Variants in NCKAP5 observed in about 807,000 individuals in gnomAD.
NCKAP5 encodes the protein nck-associated protein 5.
Under a neutral mutation model 167.0 loss-of-function variants are expected in NCKAP5, and 92 were observed. That is an observed-to-expected ratio of 0.55 (90% confidence interval 0.47 to 0.66). NCKAP5 has a LOEUF of 0.66. Among genes scored for constraint, NCKAP5 ranks in the 30% least tolerant of loss-of-function variants. The pLI is 0.00. For synonymous variants in NCKAP5, 891 were observed against 877.4 expected, an observed-to-expected ratio of 1.02 and a Z score of -0.27; for missense variants, 2,378 against 2,315.0, an observed-to-expected ratio of 1.03 and a Z score of -0.56.
At chr2:133,314,255 C>T (rs1681449906) in intron 3 of NCKAP5, among the ~76,000 whole-genome samples, 1 of 152,128 alleles carries the variant, frequency 6.6e-6, no homozygotes, top group South Asian at 2.1e-4. Flanking sequence ...GATGGCAAGG[C>T]ATTTCTAGAA....
At chr2:132,809,541 T>G (rs1360717519) in intron 11 of NCKAP5, among the ~76,000 whole-genome samples, 2 of 152,202 alleles carry the variant, frequency 1.3e-5, no homozygotes, top group Non-Finnish European at 2.9e-5. Flanking sequence ...CTCTTTTAAC[T>G]GCCGATGCTT....
chr2:133,037,967 CAAACGCTGGTGAGGATGTCAACA>C (rs1441811130), intron 6 of NCKAP5, among the ~76,000 whole-genome samples: 1 of 152,022 alleles, frequency 6.6e-6, no homozygotes, highest in African/African-American at 2.4e-5. Context: ...TAAGTAATAA[CAAACGCTGGTGAGGATGTCAACA>C]AAAGAGAACC....
chr2:133,295,008 G>C (rs1471279351), intron 4 of NCKAP5, among the ~76,000 whole-genome samples: 1 of 152,118 alleles, frequency 6.6e-6, no homozygotes, highest in Admixed American at 6.5e-5. Context: ...CTTTTACTTG[G>C]GCAAATGGTT....
At chr2:133,411,572 T>C (rs1018591605) in intron 3 of NCKAP5, among the ~76,000 whole-genome samples, 1 of 152,100 alleles carries the variant, frequency 6.6e-6, no homozygotes, top group Non-Finnish European at 1.5e-5. Flanking sequence ...GTGGAGACTT[T>C]GAGATTTCAG....
chr2:133,650,370 TACTC>T, the NCKAP5 span, among the ~76,000 whole-genome samples: 1 of 152,200 alleles, frequency 6.6e-6, no homozygotes, highest in African/African-American at 2.4e-5. Context: ...ACAATCAAAA[TACTC>T]ATAGAGAATA....
chr2:133,186,691 T>C (rs1047487166), intron 5 of NCKAP5, among the ~76,000 whole-genome samples: 9 of 152,108 alleles, frequency 5.9e-5, no homozygotes, highest in Non-Finnish European at 1.2e-4. Flanking sequence ...AGGCTGTGTG[T>C]TTCCAGGAAT....
intron 17 of NCKAP5, among the ~76,000 whole-genome samples, chr2:132,730,998 C>T (rs1690947082): frequency 6.6e-6 from 1 of 152,236 alleles, no homozygotes; most frequent in Admixed American, 6.5e-5. Context: ...CAGCTCCTTT[C>T]TAATCATCAA....
chr2:133,221,563 T>TC (rs2086663630), intron 4 of NCKAP5, among the ~76,000 whole-genome samples: 1 of 152,166 alleles, frequency 6.6e-6, no homozygotes, highest in Non-Finnish European at 1.5e-5. Context: ...TTCAAAGACT[T>TC]CAGGATTGAT....
intron 16 of NCKAP5, among the ~76,000 whole-genome samples, chr2:132,750,238 G>A (rs904424071): frequency 2.0e-5 from 3 of 152,104 alleles, no homozygotes; most frequent in South Asian, 2.1e-4. Context: ...TTGTGTTCAG[G>A]AAGCGTAAGG....
intron 5 of NCKAP5, among the ~76,000 whole-genome samples, chr2:133,185,564 A>C (rs950782576): frequency 1.3e-5 from 2 of 152,070 alleles, no homozygotes; most frequent in African/African-American, 4.8e-5. Context: ...CAGTATGGCC[A>C]ACTGTAATAA....
chr2:133,598,825 C>T, the NCKAP5 span, among the ~76,000 whole-genome samples: 3 of 152,172 alleles, frequency 2.0e-5, no homozygotes, highest in Non-Finnish European at 4.4e-5. Flanking sequence ...TTTATTCCCT[C>T]ACAGATCTGG....
intron 6 of NCKAP5, among the ~76,000 whole-genome samples, chr2:133,028,417 A>AT (rs2078767065): frequency 6.6e-6 from 1 of 152,126 alleles, no homozygotes; most frequent in Admixed American, 6.6e-5. Context: ...TATATCATAA[A>AT]TTTCCTGTCC....
At chr2:133,019,447 G>A (rs1174036587) in intron 6 of NCKAP5, among the ~76,000 whole-genome samples, 1 of 152,176 alleles carries the variant, frequency 6.6e-6, no homozygotes, top group Non-Finnish European at 1.5e-5. Context: ...TGCTTTGAAT[G>A]TCAGGGCCTG....
the NCKAP5 span, among the ~76,000 whole-genome samples, chr2:133,656,248 CT>C: frequency 6.7e-6 from 1 of 150,246 alleles, no homozygotes; most frequent in African/African-American, 2.5e-5. Flanking sequence ...CCTAAAATGC[CT>C]CGTGGAAAAA....
intron 4 of NCKAP5, among the ~76,000 whole-genome samples, chr2:133,265,701 GA>G (rs1217312632): frequency 6.6e-6 from 1 of 152,068 alleles, no homozygotes; most frequent in Admixed American, 6.5e-5. Flanking sequence ...ACGCGCAAGG[GA>G]GGCAGTGCGG....
chr2:133,272,331 A>C (rs2089551088), intron 4 of NCKAP5, among the ~76,000 whole-genome samples: 1 of 152,182 alleles, frequency 6.6e-6, no homozygotes, highest in South Asian at 2.1e-4. Context: ...ATATGAATGA[A>C]AAACAGTGGA....
chr2:133,501,197 C>A lies in NCKAP5; in HGVS notation c.69+16261G>T, dbSNP rs115840601. On this transcript the variant is annotated intron_variant, in intron 3 of 19. Coordinates refer to ENST00000409261, the MANE Select transcript of NCKAP5 (RefSeq NM_207363.3). ...AAACCTGGGACCAGACGTGTGGAGCCCATAGACAGAAAAATTTACCCGTCA... is the reference window on the plus strand; with the variant it reads ...AAACCTGGGACCAGACGTGTGGAGCACATAGACAGAAAAATTTACCCGTCA... Among the ~76,000 whole-genome samples the A allele has an allele frequency of 5.5e-3, 834 of 152,232 alleles. 3 individuals are homozygous for A. Among genetic ancestry groups the A allele is most frequent in the Admixed American group, 0.013 (206 of 15,286 alleles).
In NCKAP5 at chr2:132,803,633, C is replaced by T. The variant is rs1685205557; in HGVS notation, c.808-6904G>A. On this transcript the variant is annotated intron_variant, in intron 11 of 19. Transcript: ENST00000409261. ...ACCTCTTACCTGTCCTTATCTGCTG[C>T]AATTCCATTAACAGTGCCCCAAGGC... Among the ~76,000 whole-genome samples the T allele has an allele frequency of 1.3e-5, 2 of 152,188 alleles. 1 individual carries two copies. Among genetic ancestry groups the T allele is most frequent in the South Asian group, 4.1e-4 (2 of 4,830 alleles).
At chr2:133,148,907 T>C (rs1189216227) in intron 5 of NCKAP5, among the ~76,000 whole-genome samples, 2 of 152,106 alleles carry the variant, frequency 1.3e-5, no homozygotes, top group Non-Finnish European at 1.5e-5. Flanking sequence ...TCCATAACAA[T>C]TGCTCAGAAT....
Sources: gnomAD v4.1 joint callset for allele counts (sites outside exome capture counted in the v4.1 genomes callset) on GRCh38, gnomAD v4.1.1 for gene constraint, MANE v1.5 for transcripts, NCBI Gene and HGNC (gene_info 2026-07-23, HGNC 2026-07-21) for gene names.